PAG1: variants seen among roughly 807,000 people sequenced by gnomAD.
PAG1 encodes the protein phosphoprotein membrane anchor with glycosphingolipid microdomains 1.
In PAG1, 23 loss-of-function variants were observed where a neutral mutation model predicts 31.7. The observed-to-expected ratio is 0.73, with a 90% CI of 0.52 to 1.03. PAG1 has a LOEUF of 1.03. Among genes scored for constraint, PAG1 ranks in the 50% least tolerant of loss-of-function variants. The probability of loss-of-function intolerance (pLI) is 0.00; values close to 1 mark genes in which losing one functional copy is unlikely to be tolerated. For missense variants in PAG1, 473 were observed against 540.7 expected, an observed-to-expected ratio of 0.87 and a Z score of 1.24; for synonymous variants, 214 against 210.3, an observed-to-expected ratio of 1.02 and a Z score of -0.15.
chr8:80,984,164 G>A (rs1044063733), intron 7 of PAG1, among the ~76,000 whole-genome samples: 6 of 152,292 alleles, frequency 3.9e-5, no homozygotes, highest in African/African-American at 7.2e-5. Context: ...GAACTTCATC[G>A]TGGCTCAGAT....
chr8:81,084,707 T>C (rs1809323474), intron 1 of PAG1, among the ~76,000 whole-genome samples: 1 of 152,222 alleles, frequency 6.6e-6, no homozygotes, highest in Non-Finnish European at 1.5e-5. Context: ...ATATTTATAT[T>C]ATCTCAAAAA....
chr8:81,108,215 C>A (rs932872798), intron 1 of PAG1, among the ~76,000 whole-genome samples: 2 of 152,158 alleles, frequency 1.3e-5, no homozygotes, highest in African/African-American at 4.8e-5. Flanking sequence ...GAATAACCAA[C>A]CCAGAGCAGG....
At chr8:81,111,149 G>C (rs1338782278) in intron 1 of PAG1, among the ~76,000 whole-genome samples, 2 of 152,226 alleles carry the variant, frequency 1.3e-5, no homozygotes, top group Admixed American at 6.5e-5. Flanking sequence ...CTTCTGCCTA[G>C]GGGAAGAGTA....
intron 1 of PAG1, among the ~76,000 whole-genome samples, chr8:81,092,189 CAAAAAAAA>C (rs58417714): frequency 2.4e-3 from 168 of 71,398 alleles, no homozygotes; most frequent in African/African-American, 9.2e-3. Flanking sequence ...CACATCTCTG[CAAAAAAAA>C]AAAAAAAAAA....
At chr8:81,023,048 CT>C (rs1808216213) in intron 3 of PAG1, among the ~76,000 whole-genome samples, 1 of 152,062 alleles carries the variant, frequency 6.6e-6, no homozygotes, top group Admixed American at 6.5e-5. Context: ...CTTGCATAAA[CT>C]TTTGCAAACC....
chr8:81,044,285 C>T (rs144450419), intron 2 of PAG1, among the ~76,000 whole-genome samples: 5 of 152,180 alleles, frequency 3.3e-5, no homozygotes, highest in African/African-American at 1.2e-4. Context: ...AAAATGAGGT[C>T]ATTAGGGTAA....
intron 2 of PAG1, among the ~76,000 whole-genome samples, chr8:81,042,630 ATG>A (rs1469813760): frequency 6.6e-6 from 1 of 151,894 alleles, no homozygotes; most frequent in East Asian, 1.9e-4. Context: ...GGGTAGGTGT[ATG>A]TGTGTGTAAA....
rs141122483 is a variant in PAG1 at position 80,975,440 on chromosome 8, T to C, written c.*1104A>G. ...TAATATACATTTTTTTCTGGCACTT[T>C]TGAGAAATTAGGCATTGAACATAAA... On this transcript the variant is annotated 3_prime_UTR_variant, in exon 9 of 9. Transcript: ENST00000220597. 1 of 152,364 alleles carries C rather than the reference T, an allele frequency of 6.6e-6. No homozygotes were observed. The highest frequency in any genetic ancestry group is 1.5e-5 in the Non-Finnish European group (1 of 68,038). 9.4% of individuals were successfully genotyped at this position (152,364 alleles called of 1,614,324 possible). A position where few individuals can be genotyped will look rare whatever the true frequency, so the allele number is the denominator to read the frequency against.
intron 4 of PAG1, among the ~76,000 whole-genome samples, chr8:80,992,271 G>A (rs1260728680): frequency 6.6e-6 from 1 of 152,244 alleles, no homozygotes; most frequent in East Asian, 1.9e-4. Flanking sequence ...TAGGAGGCTA[G>A]CTGGGTTCAG....
At chr8:81,020,191 AT>A (rs1176115300) in intron 3 of PAG1, among the ~76,000 whole-genome samples, 3 of 152,142 alleles carry the variant, frequency 2.0e-5, no homozygotes, top group Non-Finnish European at 2.9e-5. Flanking sequence ...GATGGAAGGG[AT>A]TTGCCTTGTC....
intron 3 of PAG1, among the ~76,000 whole-genome samples, chr8:80,994,082 C>CCCACTGCCATCTCTAATCTCCCTAAT (rs1376873644): frequency 4.6e-5 from 7 of 152,086 alleles, no homozygotes; most frequent in Non-Finnish European, 7.4e-5. Flanking sequence ...ATCTCCCTAA[C>CCCACTGCCATCTCTAATCTCCCTAAT]CCACTGCCAT....
At chr8:80,989,189 T>C (rs1301270164) in intron 5 of PAG1, among the ~76,000 whole-genome samples, 3 of 152,202 alleles carry the variant, frequency 2.0e-5, no homozygotes, top group African/African-American at 7.2e-5. Context: ...TTCCATCCAA[T>C]GCAGCTCATT....
At chr8:81,086,183 A>G (rs1037475851) in intron 1 of PAG1, among the ~76,000 whole-genome samples, 5 of 150,662 alleles carry the variant, frequency 3.3e-5, no homozygotes, top group Non-Finnish European at 5.9e-5. Context: ...GGGTTTCACC[A>G]TGTTAGCCAG....
At chr8:80,976,998 T>A in intron 8 of PAG1, 92 bp from the exon 9 acceptor site, 1 of 1,157,386 alleles carries the variant, frequency 8.6e-7, no homozygotes, top group Non-Finnish European at 1.2e-6. Flanking sequence ...CACTCCTGGG[T>A]TTCTGTGTGT....
chr8:81,091,676 G>A lies in PAG1; in HGVS notation c.-234+19915C>T, dbSNP rs115033243. On this transcript the variant is annotated intron_variant, in intron 1 of 8. Coordinates refer to ENST00000220597, the MANE Select transcript of PAG1 (RefSeq NM_018440.4). Reference sequence around the variant, plus strand: ...CCATCACTGACAAAAATGTTGGTATGTGGTACATGATTACATACATATATA... The same window carrying A: ...CCATCACTGACAAAAATGTTGGTATATGGTACATGATTACATACATATATA... Among the ~76,000 whole-genome samples, 595 of 152,282 alleles carry A rather than the reference G, an allele frequency of 3.9e-3. 4 individuals carry two copies. Among genetic ancestry groups the A allele is most frequent in the African/African-American group, 0.014 (575 of 41,536 alleles).
chr8:81,074,029 A>G (rs906232217), intron 1 of PAG1, among the ~76,000 whole-genome samples: 21 of 152,316 alleles, frequency 1.4e-4, no homozygotes, highest in Middle Eastern at 3.4e-3. Flanking sequence ...AGCACTGGCC[A>G]GGTGTGGGCA....
At chr8:81,059,247 T>G (rs980685890) in intron 2 of PAG1, among the ~76,000 whole-genome samples, 3 of 151,430 alleles carry the variant, frequency 2.0e-5, no homozygotes, top group African/African-American at 7.3e-5. Context: ...ATAAAGTTTG[T>G]ACACATTCAG....
intron 1 of PAG1, among the ~76,000 whole-genome samples, chr8:81,103,255 C>G (rs537612288): frequency 1.3e-5 from 2 of 151,804 alleles, no homozygotes; most frequent in Non-Finnish European, 1.5e-5. Context: ...GTAGCTGATA[C>G]AGCTTCTACT....
intron 1 of PAG1, among the ~76,000 whole-genome samples, chr8:81,105,842 A>G (rs1315782617): frequency 2.0e-5 from 3 of 152,234 alleles, no homozygotes; most frequent in African/African-American, 7.2e-5. Flanking sequence ...AAAAGCTTAC[A>G]TATGCAACCC....
Sources: gnomAD v4.1 joint callset for allele counts (sites outside exome capture counted in the v4.1 genomes callset) on GRCh38, gnomAD v4.1.1 for gene constraint, MANE v1.5 for transcripts, NCBI Gene and HGNC (gene_info 2026-07-23, HGNC 2026-07-21) for gene names.